Variants in CADM2 observed in about 807,000 individuals in gnomAD.
CADM2 encodes the protein cell adhesion molecule 2.
CADM2 carries 12 observed loss-of-function variants against 49.8 expected under a neutral mutation model. That is an observed-to-expected ratio of 0.24 (90% CI 0.15 to 0.39). The LOEUF (loss-of-function observed/expected upper bound fraction) is 0.39. Among genes scored for constraint, CADM2 ranks in the 10% least tolerant of loss-of-function variants. The probability of loss-of-function intolerance (pLI) is 1.00; values close to 1 mark genes in which losing one functional copy is unlikely to be tolerated. For missense variants in CADM2, 378 were observed against 492.3 expected, an observed-to-expected ratio of 0.77 and a Z score of 2.20; for synonymous variants, 214 against 175.4, an observed-to-expected ratio of 1.22 and a Z score of -1.74.
intron 1 of CADM2, among the ~76,000 whole-genome samples, chr3:85,481,449 A>G (rs2039206577): frequency 6.6e-6 from 1 of 151,682 alleles, no homozygotes; most frequent in Admixed American, 6.6e-5. Flanking sequence ...ATTTAAATGA[A>G]TAACTTTCTT....
chr3:85,336,469 T>C (rs1274269030), intron 1 of CADM2, among the ~76,000 whole-genome samples: 1 of 151,524 alleles, frequency 6.6e-6, no homozygotes, highest in Non-Finnish European at 1.5e-5. Context: ...TAAAGCTCAA[T>C]GGCAAATTGA....
chr3:85,960,325 C>T (rs1438880518), intron 7 of CADM2, among the ~76,000 whole-genome samples: 3 of 151,846 alleles, frequency 2.0e-5, no homozygotes, highest in Non-Finnish European at 4.4e-5. Context: ...TTCACAATAA[C>T]ATAAAATAAA....
At chr3:84,975,148 G>A (rs1270242249) in intron 1 of CADM2, among the ~76,000 whole-genome samples, 5 of 151,820 alleles carry the variant, frequency 3.3e-5, no homozygotes, top group Non-Finnish European at 5.9e-5. Flanking sequence ...CAAGTTTCAA[G>A]ATGTTATTAA....
In CADM2 at chr3:86,074,144, C is replaced by G. The variant is rs1339713306; in HGVS notation, c.*7361C>G. 2 of 151,918 alleles carry G rather than the reference C, an allele frequency of 1.3e-5. No individual in the cohort carries two copies. Among genetic ancestry groups the G allele is most frequent in the South Asian group, 2.1e-4 (1 of 4,832 alleles). The allele number at this position is 151,918 out of a possible 1,614,324, so 9.4% of individuals were successfully genotyped here. ...ACCTATTTTTTTTAACCTTCACACT[C>G]TAACCAGTATTATATATTTCAGCTA... On this transcript the variant is annotated 3_prime_UTR_variant, in exon 10 of 10. Coordinates refer to ENST00000383699, the MANE Select transcript of CADM2 (RefSeq NM_001167675.2).
intron 1 of CADM2, among the ~76,000 whole-genome samples, chr3:85,101,145 T>G (rs2037997505): frequency 6.6e-6 from 1 of 152,012 alleles, no homozygotes; most frequent in Non-Finnish European, 1.5e-5. Flanking sequence ...TCCCAGCTAC[T>G]TGGGAGGCTG....
chr3:85,701,896 GA>G (rs1559601661), intron 1 of CADM2, among the ~76,000 whole-genome samples: 37 of 124,954 alleles, frequency 3.0e-4, no homozygotes, highest in African/African-American at 9.6e-4. Flanking sequence ...TAGATAGATA[GA>G]TAGATAGATA....
At chr3:86,013,446 G>C in intron 8 of CADM2, 1 of 1,582,968 alleles carries the variant, frequency 6.3e-7, no homozygotes, top group African/African-American at 1.3e-5. Context: ...TAACTTTCAA[G>C]CACTGCTGGA....
chr3:85,467,357 A>G (rs538422067), intron 1 of CADM2, among the ~76,000 whole-genome samples: 2 of 152,308 alleles, frequency 1.3e-5, no homozygotes, highest in South Asian at 4.1e-4. Context: ...TAGCAAATAG[A>G]TCAAAAATGC....
intron 1 of CADM2, among the ~76,000 whole-genome samples, chr3:85,063,217 T>G (rs1170592503): frequency 1.3e-5 from 2 of 151,992 alleles, no homozygotes; most frequent in Non-Finnish European, 2.9e-5. Context: ...GAATACATAT[T>G]ATATTTCTAT....
intron 1 of CADM2, among the ~76,000 whole-genome samples, chr3:85,660,110 G>A (rs1465872407): frequency 1.3e-5 from 2 of 152,058 alleles, no homozygotes; most frequent in Non-Finnish European, 2.9e-5. Context: ...TGATCCCAGT[G>A]ACTCATGTGA....
chr3:85,917,610 C>T (rs1718532363), intron 6 of CADM2, among the ~76,000 whole-genome samples: 1 of 152,148 alleles, frequency 6.6e-6, no homozygotes, highest in African/African-American at 2.4e-5. Context: ...GTGATGCCTC[C>T]AGCTTTGTTC....
At chr3:85,383,456 A>G (rs1236333260) in intron 1 of CADM2, among the ~76,000 whole-genome samples, 1 of 147,894 alleles carries the variant, frequency 6.8e-6, no homozygotes, top group Non-Finnish European at 1.5e-5. Flanking sequence ...AGCATTTCAT[A>G]CACAAGATTG....
intron 1 of CADM2, among the ~76,000 whole-genome samples, chr3:85,455,782 C>G (rs62250709): frequency 0.044 from 6,651 of 152,192 alleles, 202 homozygotes; most frequent in Middle Eastern, 0.068. Flanking sequence ...GCAAAGCCCA[C>G]AAGCCTCAAA....
intron 1 of CADM2, among the ~76,000 whole-genome samples, chr3:85,160,658 T>C (rs2040294540): frequency 6.6e-6 from 1 of 152,198 alleles, no homozygotes; most frequent in Admixed American, 6.5e-5. Context: ...TTTAAAAACA[T>C]TACTTCAAGT....
intron 8 of CADM2, among the ~76,000 whole-genome samples, chr3:85,963,608 T>A (rs1725110306): frequency 6.6e-6 from 1 of 151,856 alleles, no homozygotes. Flanking sequence ...AAAAGCAATA[T>A]GACATAAAAT....
intron 1 of CADM2, among the ~76,000 whole-genome samples, chr3:85,097,363 T>G (rs1360541049): frequency 1.3e-5 from 2 of 152,202 alleles, no homozygotes; most frequent in African/African-American, 4.8e-5. Flanking sequence ...TATTCCATGG[T>G]GTATATGTGC....
intron 1 of CADM2, among the ~76,000 whole-genome samples, chr3:85,535,882 G>T (rs1411683585): frequency 6.6e-6 from 1 of 152,232 alleles, no homozygotes; most frequent in East Asian, 1.9e-4. Context: ...GGTAGCTGTC[G>T]TATGGTAATG....
chr3:85,289,041 A>G (rs1050630593), intron 1 of CADM2, among the ~76,000 whole-genome samples: 1 of 152,098 alleles, frequency 6.6e-6, no homozygotes, highest in South Asian at 2.1e-4. Flanking sequence ...AGCACCAAGA[A>G]CACTAAAATA....
chr3:84,962,881 T>G (rs998570003), intron 1 of CADM2, among the ~76,000 whole-genome samples: 3 of 151,290 alleles, frequency 2.0e-5, no homozygotes, highest in Non-Finnish European at 4.4e-5. Context: ...ATCACCTATA[T>G]TTTTTACCTT....
Sources: allele counts gnomAD v4.1 joint callset (sites outside exome capture counted in the v4.1 genomes callset), GRCh38; gene constraint gnomAD v4.1.1; transcripts MANE v1.5; gene names NCBI Gene and HGNC (gene_info 2026-07-23, HGNC 2026-07-21).